Variants in KCNAB2 observed in about 807,000 individuals in gnomAD.
KCNAB2 encodes potassium voltage-gated channel subfamily A regulatory beta subunit 2.
Under a neutral mutation model 63.6 loss-of-function variants are expected in KCNAB2, and 29 were observed. That is an observed-to-expected ratio of 0.46 (90% CI 0.34 to 0.62). The LOEUF (loss-of-function observed/expected upper bound fraction) is 0.62. KCNAB2 is among the 20% of genes least tolerant of loss of function. The pLI, the probability that KCNAB2 is intolerant of heterozygous loss-of-function variation, is 0.01. For synonymous variants in KCNAB2, 222 were observed against 224.2 expected (o/e 0.99, Z 0.09); for missense variants, 359 against 563.9 (o/e 0.64, Z 3.68).
In KCNAB2 at chr1:6,071,890, G is replaced by A. The variant is rs932766282; in HGVS notation, c.219-865G>A. Among the ~76,000 whole-genome samples the A allele has an allele frequency of 6.6e-6, 1 of 151,758 alleles. No homozygotes were observed. The highest frequency in any genetic ancestry group is 1.5e-5 in the Non-Finnish European group (1 of 67,814). ...GCGTGGGCTCCTCCTGCCGCGTAGG[G>A]CTCCTCCTGCCGCGTAGGGCTCCCG... On this transcript the variant is annotated intron_variant, in intron 2 of 15. Coordinates refer to ENST00000378083, the MANE Select transcript of KCNAB2 (RefSeq NM_001199862.2). The surrounding 1 kb of genome is among the most constrained non-coding windows in gnomAD (Gnocchi z 8.5).
At chr1:6,018,294 A>G (rs978069386) in intron 1 of KCNAB2, among the ~76,000 whole-genome samples, 1 of 152,212 alleles carries the variant, frequency 6.6e-6, no homozygotes, top group African/African-American at 2.4e-5. Flanking sequence ...CAGGAAATTC[A>G]GTCTCTATTG....
At chr1:5,997,836 T>C (rs1033816089) in intron 1 of KCNAB2, among the ~76,000 whole-genome samples, 4 of 152,122 alleles carry the variant, frequency 2.6e-5, no homozygotes, top group African/African-American at 4.8e-5. Context: ...ATAAAACAAA[T>C]TTAAATTTAA....
upstream of KCNAB2, among the ~76,000 whole-genome samples, chr1:6,033,809 AT>A (rs1474837660): frequency 2.0e-5 from 3 of 152,310 alleles, no homozygotes; most frequent in Admixed American, 6.5e-5. Context: ...GCATTTTCAC[AT>A]CTTGCTTCTC....
rs1230884394 is a variant in KCNAB2, at chr1:6,073,298, C to T, written c.263-435C>T. ...CACACCGCCCACTGCAGTACACACACCCCGCCCCCCACCAGCACCCACTGC... is the reference window on the plus strand; with the variant it reads ...CACACCGCCCACTGCAGTACACACATCCCGCCCCCCACCAGCACCCACTGC... On this transcript the variant is annotated intron_variant, in intron 3 of 15. Coordinates refer to ENST00000378083, the MANE Select transcript of KCNAB2 (RefSeq NM_001199862.2). This position sits in a 1 kb window ranked among gnomAD's most constrained non-coding sequence, Gnocchi z 5.7. Among the ~76,000 whole-genome samples the T allele has an allele frequency of 2.6e-5, 4 of 152,192 alleles. No individual in the cohort carries two copies. Among genetic ancestry groups the T allele is most frequent in the South Asian group, 2.1e-4 (1 of 4,820 alleles).
At chr1:5,997,025 CG>C (rs1390684632) in intron 1 of KCNAB2, among the ~76,000 whole-genome samples, 1 of 152,168 alleles carries the variant, frequency 6.6e-6, no homozygotes, top group Non-Finnish European at 1.5e-5. Context: ...CTAAGCCACA[CG>C]GATCATTCGT....
chr1:6,016,747 G>T (rs976590980), intron 1 of KCNAB2, among the ~76,000 whole-genome samples: 8 of 152,192 alleles, frequency 5.3e-5, no homozygotes, highest in South Asian at 2.1e-4. Context: ...CGTCCCACTG[G>T]ACTTCTGCGT....
At chr1:6,011,460 G>C (rs1658144881) in intron 1 of KCNAB2, among the ~76,000 whole-genome samples, 1 of 152,096 alleles carries the variant, frequency 6.6e-6, no homozygotes, top group Non-Finnish European at 1.5e-5. Flanking sequence ...GAGAGAGGCA[G>C]GCACGTGTGC....
rs949181127 is a variant in KCNAB2 at position 6,086,600 on chromosome 1, C to T, written c.426-867C>T. 2.6e-5 allele frequency among the ~76,000 whole-genome samples: 4 copies of T among 152,182 alleles called. No homozygotes were observed. The highest frequency in any genetic ancestry group is 7.2e-5 in the African/African-American group (3 of 41,448). On this transcript the variant is annotated intron_variant, in intron 6 of 15. Coordinates refer to ENST00000378083, the MANE Select transcript of KCNAB2 (RefSeq NM_001199862.2). This position sits in a 1 kb window ranked among gnomAD's most constrained non-coding sequence, Gnocchi z 4.2. Reference sequence around the variant, plus strand: ...ATTGTCACCCCCTGGGTGGGAAGTACTCCCTCCTCTGGGAGGGGTCAAGGT... The same window carrying T: ...ATTGTCACCCCCTGGGTGGGAAGTATTCCCTCCTCTGGGAGGGGTCAAGGT...
At chr1:5,993,124 A>G (rs527531367) in intron 1 of KCNAB2, among the ~76,000 whole-genome samples, 67 of 146,588 alleles carry the variant, frequency 4.6e-4, no homozygotes, top group African/African-American at 1.5e-3. Flanking sequence ...CTCCGGTCCT[A>G]GCAGCCTCGC....
At chr1:6,043,059 C>T (rs556379867), upstream of KCNAB2, among the ~76,000 whole-genome samples, 2 of 152,238 alleles carry the variant, frequency 1.3e-5, no homozygotes, top group South Asian at 2.1e-4. Context: ...CAAATGCTTT[C>T]CCTGGATGAA....
At chr1:6,097,786 A>C in intron 15 of KCNAB2, 2 of 375,862 alleles carry the variant, frequency 5.3e-6, no homozygotes, top group East Asian at 4.4e-5. Context: ...AAGGCCCAAA[A>C]AGGCCTGGAG....
chr1:6,007,042 C>A (rs1032143664), intron 1 of KCNAB2, among the ~76,000 whole-genome samples: 2 of 152,192 alleles, frequency 1.3e-5, no homozygotes, highest in African/African-American at 4.8e-5. Flanking sequence ...TCCAGAGTGT[C>A]TCTGCTCAGG....
At chr1:6,014,782 C>T (rs1417361928) in intron 1 of KCNAB2, among the ~76,000 whole-genome samples, 1 of 152,192 alleles carries the variant, frequency 6.6e-6, no homozygotes, top group African/African-American at 2.4e-5. Flanking sequence ...CCTCGCCAGG[C>T]AGTGAGGTCA....
chr1:6,018,259 C>T (rs1328062248), intron 1 of KCNAB2, among the ~76,000 whole-genome samples: 1 of 152,122 alleles, frequency 6.6e-6, no homozygotes, highest in African/African-American at 2.4e-5. Flanking sequence ...TCATAGAGGA[C>T]CAGATAGTCG....
At chr1:6,050,235 G>T (rs1325086407) in intron 1 of KCNAB2, among the ~76,000 whole-genome samples, 1 of 152,188 alleles carries the variant, frequency 6.6e-6, no homozygotes, top group Non-Finnish European at 1.5e-5. Context: ...CCCAGGCCAG[G>T]TTCCAGGATC....
At chr1:6,046,873 T>G (rs539895397) in intron 1 of KCNAB2, among the ~76,000 whole-genome samples, 37 of 152,308 alleles carry the variant, frequency 2.4e-4, no homozygotes, top group Admixed American at 2.2e-3. Context: ...AACAGAACAA[T>G]TCAGAAATTC....
rs1406464937 is a variant in KCNAB2, at chr1:6,101,105, A to C, written c.*2531A>C. The C allele has an allele frequency of 1.3e-5, 2 of 152,074 alleles. No individual in the cohort carries two copies. The highest frequency in any genetic ancestry group is 4.8e-5 in the African/African-American group (2 of 41,374). The allele number at this position is 152,074 out of a possible 1,614,324, so 9.4% of individuals were successfully genotyped here. A position where few individuals can be genotyped will look rare whatever the true frequency, so the allele number is the denominator to read the frequency against. ...CAGGCAGAGACTGTCCTATGCCTCG[A>C]GCTTCCAAACGAGACTCAGACCGCG... is the stretch of plus-strand genomic sequence containing the variant. On this transcript the variant is annotated 3_prime_UTR_variant, in exon 16 of 16. Transcript: ENST00000378083.
intron 1 of KCNAB2, among the ~76,000 whole-genome samples, chr1:6,036,358 C>G (rs972807920): frequency 2.0e-5 from 3 of 151,992 alleles, no homozygotes; most frequent in African/African-American, 7.3e-5. Flanking sequence ...CAAAACTTAG[C>G]CAGGCATGGT....
rs569756842 is a variant in KCNAB2, at chr1:6,081,311, A to C, written c.301-884A>C. On this transcript the variant is annotated intron_variant, in intron 4 of 15. Transcript: ENST00000378083. Reference sequence around the variant, plus strand: ...CCAGAATGGATGTCACCCACCATGCACCAGCTGTGGGATGTCAGTTGCTCC... The same window carrying C: ...CCAGAATGGATGTCACCCACCATGCCCCAGCTGTGGGATGTCAGTTGCTCC... Among the ~76,000 whole-genome samples, 22 of 152,360 alleles carry C rather than the reference A, an allele frequency of 1.4e-4. 2 individuals are homozygous for C. In the East Asian group the frequency reaches 2.3e-3, roughly 16 times the overall value.
Sources: allele counts gnomAD v4.1 joint callset (sites outside exome capture counted in the v4.1 genomes callset), GRCh38; gene constraint gnomAD v4.1.1; non-coding constraint Gnocchi (gnomAD v3.1); transcripts MANE v1.5; gene names NCBI Gene and HGNC (gene_info 2026-07-23, HGNC 2026-07-21).